HDHD2: variants seen among roughly 807,000 people sequenced by gnomAD.
HDHD2 encodes the protein haloacid dehalogenase like hydrolase domain containing 2.
HDHD2 carries 26 observed loss-of-function variants against 24.8 expected under a neutral mutation model. The observed-to-expected ratio is 1.05, with a 90% CI of 0.77 to 1.45. The LOEUF (loss-of-function observed/expected upper bound fraction) is 1.45, where lower values mean the gene tolerates loss of function less well. HDHD2 is among the 40% of genes most tolerant of loss of function. The pLI, the probability that HDHD2 is intolerant of heterozygous loss-of-function variation, is 0.00. For synonymous variants in HDHD2, 128 were observed against 114.9 expected (o/e 1.11, Z -0.73); for missense variants, 299 against 313.4 (o/e 0.95, Z 0.35).
chr18:47,126,949 C>T (rs1403551527), intron 4 of HDHD2, among the ~76,000 whole-genome samples: 1 of 152,084 alleles, frequency 6.6e-6, no homozygotes, highest in African/African-American at 2.4e-5. Flanking sequence ...TGGATCACGA[C>T]GTCAGATCGA....
At chr18:47,115,500 A>G (rs532480652) in intron 4 of HDHD2, 152 bp from the exon 5 acceptor site, 20 of 579,002 alleles carry the variant, frequency 3.5e-5, no homozygotes, top group Non-Finnish European at 4.9e-5. Context: ...CTTCTAATGA[A>G]TTCACAAAGA....
chr18:47,132,106 C>A (rs1317497225), intron 3 of HDHD2, among the ~76,000 whole-genome samples: 1 of 152,124 alleles, frequency 6.6e-6, no homozygotes, highest in Non-Finnish European at 1.5e-5. Flanking sequence ...ATTAGTTTTT[C>A]ATTTATCCTT....
chr18:47,146,607 A>G lies in HDHD2; in HGVS notation c.-11+3771T>C, dbSNP rs149042058. Among the ~76,000 whole-genome samples the G allele has an allele frequency of 3.4e-3, 523 of 152,342 alleles. 2 individuals are homozygous for G. Among genetic ancestry groups the G allele is most frequent in the Middle Eastern group, 6.8e-3 (2 of 294 alleles). On this transcript the variant is annotated intron_variant, in intron 1 of 6. Transcript: ENST00000300605. ...GAAACAATACAAATGTCCATCAACA[A>G]CAGAATGGATAAATAAGTTGTGGTA...
chr18:47,120,408 A>G (rs546991107), intron 4 of HDHD2, among the ~76,000 whole-genome samples: 34 of 152,312 alleles, frequency 2.2e-4, no homozygotes, highest in African/African-American at 7.7e-4. Flanking sequence ...GCTAGCTTCA[A>G]ACTTTTCTTC....
At chr18:47,118,681 C>T (rs1473598795) in intron 4 of HDHD2, among the ~76,000 whole-genome samples, 4 of 152,148 alleles carry the variant, frequency 2.6e-5, no homozygotes, top group Admixed American at 6.5e-5. Flanking sequence ...TCATGGCACA[C>T]GTTTACCTAT....
At chr18:47,148,511 A>G (rs2063896696) in intron 1 of HDHD2, among the ~76,000 whole-genome samples, 1 of 152,212 alleles carries the variant, frequency 6.6e-6, no homozygotes, top group Non-Finnish European at 1.5e-5. Flanking sequence ...TATTCAATGC[A>G]AAGAAGAAAA....
intron 1 of HDHD2, among the ~76,000 whole-genome samples, chr18:47,145,434 G>A (rs1168114283): frequency 6.6e-6 from 1 of 152,178 alleles, no homozygotes; most frequent in Non-Finnish European, 1.5e-5. Flanking sequence ...GAGACGAACT[G>A]ATCAATGGAA....
rs1255921277 is a variant in HDHD2 at position 47,136,573 on chromosome 18, T to C, written c.-10-124A>G. 5.9e-6 allele frequency: 4 copies of C among 676,036 alleles called. No individual in the cohort carries two copies. The Admixed American group carries it at 1.1e-4, about 19-fold the overall frequency. The allele number at this position is 676,036 out of a possible 1,614,324, so 41.9% of individuals were successfully genotyped here. On this transcript the variant is annotated intron_variant, in intron 1 of 6. Transcript: ENST00000300605. The stretch of plus-strand genomic sequence containing the variant: ...CCTGCTTAGTGTTAAGCTGCTTCCA[T>C]TTTGGAGAAAACTGGTTTTAAAAAT...
At chr18:47,123,634 T>A (rs1285742462) in intron 4 of HDHD2, among the ~76,000 whole-genome samples, 2 of 151,668 alleles carry the variant, frequency 1.3e-5, no homozygotes, top group African/African-American at 2.4e-5. Context: ...TCAAACAACA[T>A]GAAAGACAAG....
intron 6 of HDHD2, chr18:47,111,163 A>G: frequency 2.0e-6 from 2 of 985,310 alleles, no homozygotes; most frequent in South Asian, 9.4e-5. Flanking sequence ...TAGTTGATTT[A>G]CTAATTACAC....
intron 4 of HDHD2, among the ~76,000 whole-genome samples, chr18:47,118,916 G>A (rs1008835107): frequency 5.9e-5 from 9 of 152,170 alleles, no homozygotes; most frequent in African/African-American, 1.9e-4. Flanking sequence ...GGATATCTAT[G>A]AGATATTTTG....
chr18:47,145,637 A>G (rs1387467610), intron 1 of HDHD2, among the ~76,000 whole-genome samples: 2 of 152,230 alleles, frequency 1.3e-5, no homozygotes, highest in Non-Finnish European at 2.9e-5. Flanking sequence ...CAAGGAGATT[A>G]AACAACCACA....
chr18:47,141,617 C>A (rs1027486250), intron 1 of HDHD2, among the ~76,000 whole-genome samples: 1 of 151,930 alleles, frequency 6.6e-6, no homozygotes, highest in African/African-American at 2.4e-5. Flanking sequence ...TTATTCTATT[C>A]TTTGTGCCAT....
chr18:47,134,792 G>A (rs2063748183), intron 2 of HDHD2, 88 bp from the exon 3 acceptor site: 1 of 1,030,892 alleles, frequency 9.7e-7, no homozygotes, highest in Admixed American at 2.1e-5. Flanking sequence ...TGTGCCAAAT[G>A]TTTTTATGGC....
At chr18:47,139,020 T>C (rs562060154) in intron 1 of HDHD2, among the ~76,000 whole-genome samples, 1 of 152,308 alleles carries the variant, frequency 6.6e-6, no homozygotes, top group South Asian at 2.1e-4. Context: ...ACATGGAGGC[T>C]GATAGGAGGG....
At chr18:47,129,756 G>GA (rs1459050137) in intron 4 of HDHD2, among the ~76,000 whole-genome samples, 1 of 152,166 alleles carries the variant, frequency 6.6e-6, no homozygotes, top group Non-Finnish European at 1.5e-5. Context: ...AGTCAGTAGA[G>GA]AATCATAGGA....
At chr18:47,118,451 G>A (rs576976389) in intron 4 of HDHD2, among the ~76,000 whole-genome samples, 55 of 152,258 alleles carry the variant, frequency 3.6e-4, no homozygotes, top group African/African-American at 1.3e-3. Context: ...CCCTTTGCAG[G>A]GACACGGATG....
At chr18:47,110,176 A>T in intron 6 of HDHD2, 1 of 985,430 alleles carries the variant, frequency 1.0e-6, no homozygotes, top group East Asian at 1.1e-4. Context: ...AGGCTTTGCC[A>T]GACAAACACA....
At chr18:47,124,100 A>G (rs2063633511) in intron 4 of HDHD2, among the ~76,000 whole-genome samples, 1 of 152,258 alleles carries the variant, frequency 6.6e-6, no homozygotes, top group Admixed American at 6.5e-5. Flanking sequence ...TTGCTGGAAC[A>G]ACTGAGTATA....
Sources: allele counts gnomAD v4.1 joint callset (sites outside exome capture counted in the v4.1 genomes callset), GRCh38; gene constraint gnomAD v4.1.1; transcripts MANE v1.5; gene names NCBI Gene and HGNC (gene_info 2026-07-23, HGNC 2026-07-21).